The following DLG1 variants were observed in gnomAD, a reference collection of about 807,000 sequenced individuals.
DLG1 encodes disks large homolog 1.
Under a neutral mutation model 123.4 loss-of-function variants are expected in DLG1, and 42 were observed. The ratio of observed to expected loss-of-function variants is 0.34; its 90% CI spans 0.27 to 0.44. The LOEUF is 0.44. Among genes scored for constraint, DLG1 ranks in the 20% least tolerant of loss-of-function variants. The pLI, the probability that DLG1 is intolerant of heterozygous loss-of-function variation, is 1.00. For synonymous variants in DLG1, 317 were observed against 356.2 expected, an observed-to-expected ratio of 0.89 and a Z score of 1.24; for missense variants, 942 against 1,082.6, an observed-to-expected ratio of 0.87 and a Z score of 1.82.
At chr3:197,260,749 CCAAAAAAAAAAAAAAAA>C (rs1758987540) in intron 4 of DLG1, among the ~76,000 whole-genome samples, 1 of 36,984 alleles carries the variant, frequency 2.7e-5, no homozygotes, top group African/African-American at 1.1e-4. Flanking sequence ...ATGACAACCA[CCAAAAAAAAAAAAAAAA>C]AAAAAAAAAA....
chr3:197,101,616 C>T (rs1338437109), intron 14 of DLG1, among the ~76,000 whole-genome samples: 1 of 152,088 alleles, frequency 6.6e-6, no homozygotes, highest in Non-Finnish European at 1.5e-5. Context: ...GTCTCTATCT[C>T]CTGACCTCGT....
intron 22 of DLG1, among the ~76,000 whole-genome samples, chr3:197,061,816 CTTGT>C (rs1207679197): frequency 2.6e-5 from 4 of 152,146 alleles, no homozygotes; most frequent in African/African-American, 4.8e-5. Flanking sequence ...ATTTTGATCA[CTTGT>C]TTAAGGTTTT....
intron 13 of DLG1, 95 bp downstream of exon 13, chr3:197,115,832 C>A: frequency 8.4e-7 from 1 of 1,192,652 alleles, no homozygotes; most frequent in Non-Finnish European, 1.2e-6. Context: ...CCAAGATATC[C>A]CCATTACTTT....
intron 4 of DLG1, among the ~76,000 whole-genome samples, chr3:197,195,184 T>A (rs1174682714): frequency 6.6e-6 from 1 of 151,346 alleles, no homozygotes; most frequent in Non-Finnish European, 1.5e-5. Flanking sequence ...TTCTTTCCCA[T>A]CACCCTCGAA....
At chr3:197,271,982 G>A (rs991786335) in intron 4 of DLG1, among the ~76,000 whole-genome samples, 10 of 152,008 alleles carry the variant, frequency 6.6e-5, no homozygotes, top group Non-Finnish European at 1.3e-4. Flanking sequence ...ATCTACCAGC[G>A]ACTTTAGTTT....
intron 12 of DLG1, among the ~76,000 whole-genome samples, chr3:197,118,081 G>A (rs1177758557): frequency 6.6e-6 from 1 of 152,040 alleles, no homozygotes; most frequent in Non-Finnish European, 1.5e-5. Context: ...TTACAAAGTA[G>A]TGTGATTATC....
chr3:197,212,432 G>A (rs980100303), intron 4 of DLG1, among the ~76,000 whole-genome samples: 10 of 152,148 alleles, frequency 6.6e-5, no homozygotes, highest in Non-Finnish European at 1.0e-4. Flanking sequence ...ATGACTGTTC[G>A]CACTGAAAAC....
chr3:197,113,684 CCAAGCCGA>C lies in DLG1; in HGVS notation c.1443+2235_1443+2242del, dbSNP rs530406732. 9.3e-3 allele frequency among the ~76,000 whole-genome samples: 1,418 copies of C among 152,048 alleles called. 20 individuals are homozygous for C. The highest frequency in any genetic ancestry group is 0.032 in the African/African-American group (1,338 of 41,480). ...TATAGTTTGGTCTTGCTTTTTTGAA[CCAAGCCGA>C]CAATTTCTGTATCTTAAAATCGTAG... is the stretch of plus-strand genomic sequence containing the variant. On this transcript the variant is annotated intron_variant, in intron 13 of 24. Coordinates refer to ENST00000667157, the MANE Select transcript of DLG1 (RefSeq NM_001366207.1).
At chr3:197,202,741 A>G (rs548248908) in intron 4 of DLG1, among the ~76,000 whole-genome samples, 1 of 152,240 alleles carries the variant, frequency 6.6e-6, no homozygotes, top group African/African-American at 2.4e-5. Context: ...TAATTGCCTA[A>G]AAGTGCAAAC....
At chr3:197,244,254 T>C (rs1293850835) in intron 4 of DLG1, among the ~76,000 whole-genome samples, 7 of 152,322 alleles carry the variant, frequency 4.6e-5, no homozygotes, top group Non-Finnish European at 7.4e-5. Flanking sequence ...GAGAGGGAGC[T>C]TGGCATAACT....
chr3:197,288,380 A>AAAG (rs1560169689), intron 3 of DLG1, among the ~76,000 whole-genome samples: 3 of 146,428 alleles, frequency 2.0e-5, no homozygotes, highest in Non-Finnish European at 4.5e-5. Context: ...AAAAAAAAAA[A>AAAG]AAGAAAAGAA....
intron 4 of DLG1, among the ~76,000 whole-genome samples, chr3:197,247,359 C>T (rs11711169): frequency 0.16 from 23,545 of 151,828 alleles, 2,717 homozygotes; most frequent in African/African-American, 0.33. Flanking sequence ...CCACTTGGGG[C>T]GGGGGATTTG....
At chr3:197,258,665 G>C (rs1441436263) in intron 4 of DLG1, among the ~76,000 whole-genome samples, 2 of 152,054 alleles carry the variant, frequency 1.3e-5, no homozygotes, top group African/African-American at 4.8e-5. Context: ...AACACATATA[G>C]AATCACAAAG....
intron 5 of DLG1, among the ~76,000 whole-genome samples, chr3:197,162,717 A>T (rs983337331): frequency 2.0e-5 from 3 of 152,346 alleles, no homozygotes; most frequent in African/African-American, 7.2e-5. Flanking sequence ...AAATTAACTC[A>T]AAATTGATTA....
At chr3:197,146,171 A>C (rs1369729783) in intron 6 of DLG1, among the ~76,000 whole-genome samples, 2 of 152,096 alleles carry the variant, frequency 1.3e-5, no homozygotes, top group East Asian at 3.8e-4. Flanking sequence ...ACAAACAAAA[A>C]CACATCCCAA....
At chr3:197,107,600 T>A (rs1485212198) in intron 13 of DLG1, among the ~76,000 whole-genome samples, 2 of 152,108 alleles carry the variant, frequency 1.3e-5, no homozygotes, top group Non-Finnish European at 2.9e-5. Context: ...CCACTTTTGT[T>A]GATCCATGTC....
At chr3:197,200,198 C>G (rs1463597561) in intron 4 of DLG1, among the ~76,000 whole-genome samples, 1 of 151,944 alleles carries the variant, frequency 6.6e-6, no homozygotes, top group East Asian at 1.9e-4. Context: ...AAAATTAAGG[C>G]CAAAAACTAA....
At chr3:197,273,320 T>C (rs1764780172) in intron 4 of DLG1, among the ~76,000 whole-genome samples, 1 of 151,914 alleles carries the variant, frequency 6.6e-6, no homozygotes, top group South Asian at 2.1e-4. Flanking sequence ...TGATCTCGGC[T>C]CACTGCAACC....
At chr3:197,192,584 CTCTT>C (rs1452343427) in intron 5 of DLG1, among the ~76,000 whole-genome samples, 2 of 152,058 alleles carry the variant, frequency 1.3e-5, no homozygotes, top group Non-Finnish European at 2.9e-5. Context: ...CTCCTTAACT[CTCTT>C]TTAGTTCCCC....
Sources: gnomAD v4.1 joint callset for allele counts (sites outside exome capture counted in the v4.1 genomes callset) on GRCh38, gnomAD v4.1.1 for gene constraint, MANE v1.5 for transcripts, NCBI Gene and HGNC (gene_info 2026-07-23, HGNC 2026-07-21) for gene names.